CEP128: variants seen among roughly 807,000 people sequenced by gnomAD.
CEP128 encodes the protein centrosomal protein 128.
Under a neutral mutation model 156.7 loss-of-function variants are expected in CEP128, and 132 were observed. The ratio of observed to expected loss-of-function variants is 0.84; its 90% CI spans 0.73 to 0.97. The LOEUF (loss-of-function observed/expected upper bound fraction) is 0.97. Ranked by LOEUF, CEP128 falls within the 50% of genes least tolerant of loss-of-function variation. The pLI is 0.00. For missense variants in CEP128, 1,252 were observed against 1,281.9 expected, an observed-to-expected ratio of 0.98 and a Z score of 0.36; for synonymous variants, 469 against 448.9, an observed-to-expected ratio of 1.04 and a Z score of -0.57.
chr14:80,587,908 T>G (rs574603749), intron 19 of CEP128, among the ~76,000 whole-genome samples: 2 of 152,290 alleles, frequency 1.3e-5, no homozygotes, highest in African/African-American at 4.8e-5. Context: ...TTCATTTAAA[T>G]TAATTGGGCT....
intron 20 of CEP128, 45 bp downstream of exon 20, chr14:80,580,329 C>T (rs2140444596): frequency 1.5e-6 from 2 of 1,295,138 alleles, no homozygotes; most frequent in East Asian, 2.3e-5. Context: ...GAGTAAAAAA[C>T]AAATGTTTTC....
chr14:80,877,359 A>T (rs1888331088), intron 8 of CEP128, among the ~76,000 whole-genome samples: 1 of 152,224 alleles, frequency 6.6e-6, no homozygotes, highest in African/African-American at 2.4e-5. Flanking sequence ...CCTCCAAATC[A>T]AAACAGTGTT....
At chr14:80,836,151 A>G in intron 12 of CEP128, 54 bp downstream of exon 12, 1 of 1,567,472 alleles carries the variant, frequency 6.4e-7, no homozygotes, top group Non-Finnish European at 8.7e-7. Context: ...TCTAAGAAAA[A>G]CCAAAAAGCC....
intron 8 of CEP128, among the ~76,000 whole-genome samples, chr14:80,871,064 G>C (rs574002781): frequency 6.6e-6 from 1 of 151,378 alleles, no homozygotes; most frequent in Non-Finnish European, 1.5e-5. Context: ...ATTAAAGAAA[G>C]AGGAAGTCAG....
chr14:80,767,425 T>A (rs574678333), intron 16 of CEP128, among the ~76,000 whole-genome samples: 1 of 152,058 alleles, frequency 6.6e-6, no homozygotes, highest in Non-Finnish European at 1.5e-5. Context: ...ATATGAAATA[T>A]CTAGACTGAT....
intron 19 of CEP128, among the ~76,000 whole-genome samples, chr14:80,685,428 C>T (rs1435427794): frequency 6.6e-6 from 1 of 151,908 alleles, no homozygotes; most frequent in Non-Finnish European, 1.5e-5. Flanking sequence ...CAAAACACTG[C>T]TGAAATAAAT....
intron 8 of CEP128, among the ~76,000 whole-genome samples, chr14:80,869,104 A>C (rs890386372): frequency 2.0e-5 from 3 of 151,990 alleles, no homozygotes; most frequent in Non-Finnish European, 2.9e-5. Context: ...ATTAGACTTG[A>C]TCTACACTTT....
At chr14:80,872,513 G>A (rs763763993) in intron 8 of CEP128, among the ~76,000 whole-genome samples, 13 of 152,124 alleles carry the variant, frequency 8.5e-5, no homozygotes, top group Non-Finnish European at 1.8e-4. Flanking sequence ...ATAAACAACT[G>A]TAGCCTCAGA....
At chr14:80,776,237 A>G (rs1309549544) in intron 16 of CEP128, among the ~76,000 whole-genome samples, 1 of 152,120 alleles carries the variant, frequency 6.6e-6, no homozygotes, top group Non-Finnish European at 1.5e-5. Context: ...TAATTTCATA[A>G]ATTAGAATTT....
At chr14:80,822,438 G>C in intron 13 of CEP128, 1 of 483,848 alleles carries the variant, frequency 2.1e-6, no homozygotes, top group South Asian at 1.6e-5. Context: ...GGAGCAGTGT[G>C]AAGAAGAGGC....
At chr14:80,778,718 G>A (rs1900936191) in intron 15 of CEP128, among the ~76,000 whole-genome samples, 1 of 152,082 alleles carries the variant, frequency 6.6e-6, no homozygotes, top group Middle Eastern at 3.2e-3. Context: ...ACCAGAACCA[G>A]CTTTTAAAAA....
chr14:80,675,340 T>C (rs935118688), intron 19 of CEP128, among the ~76,000 whole-genome samples: 6 of 152,104 alleles, frequency 3.9e-5, no homozygotes, highest in African/African-American at 1.4e-4. Context: ...TACTGGAACA[T>C]ACAGTATGTG....
chr14:80,928,581 CA>C (rs918198810), intron 2 of CEP128, among the ~76,000 whole-genome samples: 2 of 151,868 alleles, frequency 1.3e-5, no homozygotes, highest in Non-Finnish European at 2.9e-5. Context: ...CTAAGTAACC[CA>C]ATCAGACAAA....
intron 2 of CEP128, among the ~76,000 whole-genome samples, chr14:80,937,399 A>G (rs1403771980): frequency 2.0e-5 from 3 of 152,264 alleles, no homozygotes; most frequent in Non-Finnish European, 4.4e-5. Flanking sequence ...TAAAATATTT[A>G]TATATATTTT....
At chr14:80,592,320 T>A (rs1045933417) in intron 19 of CEP128, among the ~76,000 whole-genome samples, 3 of 152,154 alleles carry the variant, frequency 2.0e-5, no homozygotes, top group Non-Finnish European at 4.4e-5. Flanking sequence ...GTGAAGGGGA[T>A]ATCACCACTG....
chr14:80,902,283 C>CA (rs1490429607), intron 6 of CEP128, among the ~76,000 whole-genome samples: 56 of 152,246 alleles, frequency 3.7e-4, no homozygotes, highest in Admixed American at 3.5e-3. Context: ...ATCCCAATGA[C>CA]AGAGACATTA....
At chr14:80,630,502 T>C (rs1042366162) in intron 19 of CEP128, among the ~76,000 whole-genome samples, 3 of 152,020 alleles carry the variant, frequency 2.0e-5, no homozygotes, top group Non-Finnish European at 4.4e-5. Context: ...AAAGATTCTT[T>C]AGCAGAAAAA....
intron 19 of CEP128, among the ~76,000 whole-genome samples, chr14:80,596,854 G>A (rs113983870): frequency 3.0e-4 from 36 of 119,416 alleles, no homozygotes; most frequent in South Asian, 5.5e-4. Flanking sequence ...GTGGGGGGGG[G>A]AGGAAAAGAA....
chr14:80,771,603 C>T (rs1438227573), intron 16 of CEP128, among the ~76,000 whole-genome samples: 1 of 152,174 alleles, frequency 6.6e-6, no homozygotes, highest in Admixed American at 6.5e-5. Flanking sequence ...TTCTATGCAT[C>T]CTGATCTATT....
Sources: allele counts gnomAD v4.1 joint callset (sites outside exome capture counted in the v4.1 genomes callset), GRCh38; gene constraint gnomAD v4.1.1; transcripts MANE v1.5; gene names NCBI Gene and HGNC (gene_info 2026-07-23, HGNC 2026-07-21).